RCHY1: variants seen among roughly 807,000 people sequenced by gnomAD.
RCHY1 encodes RING finger and CHY zinc finger domain-containing protein 1.
Under a neutral mutation model 41.6 loss-of-function variants are expected in RCHY1, and 21 were observed. That is an observed-to-expected ratio of 0.51 (90% CI 0.36 to 0.73). The LOEUF is 0.73. RCHY1 is among the 30% of genes least tolerant of loss of function. The pLI, the probability that RCHY1 is intolerant of heterozygous loss-of-function variation, is 0.00. For missense variants in RCHY1, 265 were observed against 325.3 expected, an observed-to-expected ratio of 0.81 and a Z score of 1.43; for synonymous variants, 79 against 102.9, an observed-to-expected ratio of 0.77 and a Z score of 1.41.
chr4:75,502,066 C>G (rs1219912383), intron 3 of RCHY1, among the ~76,000 whole-genome samples: 1 of 151,224 alleles, frequency 6.6e-6, no homozygotes, highest in African/African-American at 2.4e-5. Context: ...GAGTGAAACT[C>G]TGTCTCAAAA....
At chr4:75,487,615 A>AAT (rs560361475) in intron 8 of RCHY1, among the ~76,000 whole-genome samples, 1 of 39,964 alleles carries the variant, frequency 2.5e-5, no homozygotes, top group Non-Finnish European at 4.5e-5. Flanking sequence ...ATATATTCAT[A>AAT]ATATATATAT....
intron 5 of RCHY1, 24 bp from the exon 6 acceptor site, chr4:75,491,806 G>C: frequency 6.2e-7 from 1 of 1,609,732 alleles, no homozygotes. Context: ...AAATGTTAGT[G>C]CTTGTATGAA....
intron 8 of RCHY1, among the ~76,000 whole-genome samples, chr4:75,484,874 C>CA (rs1013347565): frequency 8.9e-5 from 13 of 145,286 alleles, no homozygotes; most frequent in Admixed American, 1.4e-4. Flanking sequence ...AAAACCAAAC[C>CA]AAAAAAAAAA....
At position 75,492,430 on chromosome 4, in the gene RCHY1, C is replaced by A. The variant is rs183121255; in HGVS notation, c.406-497G>T. On this transcript the variant is annotated intron_variant, in intron 4 of 8. Coordinates refer to ENST00000324439, the MANE Select transcript of RCHY1 (RefSeq NM_015436.4). The stretch of plus-strand genomic sequence containing the variant: ...GATGAAATAGGCTATGATTGTTATA[C>A]CATTTTACAGTTAAAGCAGTGGAGG... 9.2e-5 allele frequency among the ~76,000 whole-genome samples: 14 copies of A among 151,964 alleles called. No homozygotes were observed. In the East Asian group the frequency reaches 2.7e-3, roughly 29 times the overall value.
At chr4:75,512,368 C>T (rs1724977716) in intron 1 of RCHY1, among the ~76,000 whole-genome samples, 1 of 152,132 alleles carries the variant, frequency 6.6e-6, no homozygotes, top group Non-Finnish European at 1.5e-5. Flanking sequence ...GAACATCCTC[C>T]TATTATCTCT....
chr4:75,487,499 AT>A (rs1271836437), intron 8 of RCHY1, among the ~76,000 whole-genome samples: 1 of 103,876 alleles, frequency 9.6e-6, no homozygotes, highest in Admixed American at 1.1e-4. Context: ...TATATTCATA[AT>A]ATATATATTC....
chr4:75,500,284 C>T (rs1263348750), intron 3 of RCHY1, among the ~76,000 whole-genome samples: 2 of 152,150 alleles, frequency 1.3e-5, no homozygotes, highest in African/African-American at 2.4e-5. Context: ...ACACAGCAAC[C>T]ACTTCTGCTA....
chr4:75,508,472 T>C (rs1443537988), intron 3 of RCHY1, among the ~76,000 whole-genome samples: 1 of 152,124 alleles, frequency 6.6e-6, no homozygotes, highest in African/African-American at 2.4e-5. Flanking sequence ...TACTAATTTT[T>C]ACAAAGGAAA....
chr4:75,485,130 T>A (rs1343598960), intron 8 of RCHY1, among the ~76,000 whole-genome samples: 3 of 152,208 alleles, frequency 2.0e-5, no homozygotes, highest in African/African-American at 4.8e-5. Flanking sequence ...GGCCCTTAGG[T>A]AAAGCTGACT....
intron 3 of RCHY1, among the ~76,000 whole-genome samples, chr4:75,494,869 G>A (rs1264992359): frequency 6.6e-6 from 1 of 151,732 alleles, no homozygotes. Flanking sequence ...TTGTATTATA[G>A]ACAAACAAAA....
intron 1 of RCHY1, among the ~76,000 whole-genome samples, chr4:75,513,691 G>A (rs1156868924): frequency 6.6e-6 from 1 of 152,104 alleles, no homozygotes; most frequent in Non-Finnish European, 1.5e-5. Context: ...CCTATTTAAT[G>A]GCAATTACAT....
chr4:75,511,592 C>T (rs1397809035), intron 1 of RCHY1, among the ~76,000 whole-genome samples: 1 of 152,110 alleles, frequency 6.6e-6, no homozygotes, highest in Non-Finnish European at 1.5e-5. Flanking sequence ...TTGATCAAAA[C>T]TTCCCATGTC....
intron 8 of RCHY1, among the ~76,000 whole-genome samples, chr4:75,487,867 AATATATATTCATAAT>A (rs1722379147): frequency 1.4e-5 from 1 of 70,834 alleles, no homozygotes; most frequent in African/African-American, 4.3e-5. Flanking sequence ...ATATATTCAT[AATATATATTCATAAT>A]ATATATATTC....
chr4:75,482,151 C>G lies in RCHY1; in HGVS notation c.*387G>C, dbSNP rs1179992664. On this transcript the variant is annotated 3_prime_UTR_variant, in exon 9 of 9. Transcript: ENST00000324439. ...TAATATAACACAGCCCTTAAAAAGT[C>G]AAGACTACTACTGAAAATTAAGTGC... The G allele has an allele frequency of 6.5e-6, 1 of 153,320 alleles. No individual in the cohort carries two copies. The highest frequency in any genetic ancestry group is 1.5e-5 in the Non-Finnish European group (1 of 68,882). 9.5% of individuals were successfully genotyped at this position (153,320 alleles called of 1,614,324 possible).
intron 3 of RCHY1, among the ~76,000 whole-genome samples, chr4:75,507,297 T>C (rs1460514496): frequency 6.6e-6 from 1 of 152,098 alleles, no homozygotes; most frequent in East Asian, 1.9e-4. Context: ...CATATTATTC[T>C]AGTAAGCCAA....
intron 8 of RCHY1, among the ~76,000 whole-genome samples, chr4:75,483,048 A>T (rs1274371202): frequency 1.3e-5 from 2 of 152,180 alleles, no homozygotes; most frequent in Non-Finnish European, 2.9e-5. Flanking sequence ...TCAATTAATA[A>T]AACCAAAATT....
chr4:75,487,602 C>CATAAT (rs1722216294), intron 8 of RCHY1, among the ~76,000 whole-genome samples: 1 of 31,818 alleles, frequency 3.1e-5, no homozygotes, highest in Non-Finnish European at 5.2e-5. Context: ...AATATATATT[C>CATAAT]ATATATATTC....
intron 8 of RCHY1, among the ~76,000 whole-genome samples, chr4:75,485,576 G>T (rs1182982856): frequency 6.6e-6 from 1 of 152,102 alleles, no homozygotes; most frequent in Non-Finnish European, 1.5e-5. Flanking sequence ...GCAAATGATG[G>T]TACAATATTT....
intron 1 of RCHY1, among the ~76,000 whole-genome samples, chr4:75,511,919 A>G (rs1724918342): frequency 6.6e-6 from 1 of 152,154 alleles, no homozygotes; most frequent in African/African-American, 2.4e-5. Flanking sequence ...CCACACTTTG[A>G]AAACCAATGC....
Sources: allele counts gnomAD v4.1 joint callset (sites outside exome capture counted in the v4.1 genomes callset), GRCh38; gene constraint gnomAD v4.1.1; transcripts MANE v1.5; gene names NCBI Gene and HGNC (gene_info 2026-07-23, HGNC 2026-07-21).